The following USP10 variants were observed in gnomAD, a reference collection of about 807,000 sequenced individuals.
USP10 encodes the protein ubiquitin carboxyl-terminal hydrolase 10.
USP10 carries 22 observed loss-of-function variants against 84.5 expected under a neutral mutation model. That is an observed-to-expected ratio of 0.26 (90% CI 0.19 to 0.37). The LOEUF (loss-of-function observed/expected upper bound fraction) is 0.37. Ranked by LOEUF, USP10 falls within the 10% of genes least tolerant of loss-of-function variation. The pLI is 1.00. For missense variants in USP10, 1,019 were observed against 998.9 expected (o/e 1.02, Z -0.27); for synonymous variants, 454 against 387.6 (o/e 1.17, Z -2.01).
At chr16:84,773,279 C>A (rs943749098) in intron 12 of USP10, among the ~76,000 whole-genome samples, 2 of 152,202 alleles carry the variant, frequency 1.3e-5, no homozygotes, top group African/African-American at 4.8e-5. Context: ...TAGTACAACA[C>A]TGAGGCTTGA....
intron 4 of USP10, among the ~76,000 whole-genome samples, chr16:84,749,319 A>G (rs1911625781): frequency 1.3e-5 from 2 of 152,210 alleles, no homozygotes; most frequent in Non-Finnish European, 2.9e-5. Context: ...TAACTGAGTG[A>G]AAGTCTAGTT....
intron 3 of USP10, among the ~76,000 whole-genome samples, chr16:84,742,244 C>T (rs1430875850): frequency 1.3e-5 from 2 of 152,196 alleles, no homozygotes; most frequent in Non-Finnish European, 1.5e-5. Flanking sequence ...AGATACCACT[C>T]CTTCACCCTG....
At chr16:84,735,233 G>C (rs1044842152) in intron 2 of USP10, among the ~76,000 whole-genome samples, 17 of 122,176 alleles carry the variant, frequency 1.4e-4, no homozygotes, top group African/African-American at 5.1e-4. Flanking sequence ...GTGTGTGTGT[G>C]TGTGGTGTGT....
chr16:84,754,637 A>G (rs1325231515), intron 4 of USP10, among the ~76,000 whole-genome samples: 3 of 152,204 alleles, frequency 2.0e-5, no homozygotes, highest in Non-Finnish European at 2.9e-5. Context: ...CTGCGCCTCA[A>G]AATAAGCAAA....
chr16:84,719,685 C>A (rs557001318), intron 1 of USP10, among the ~76,000 whole-genome samples: 17 of 152,218 alleles, frequency 1.1e-4, no homozygotes, highest in African/African-American at 4.1e-4. Context: ...GTATGTAGGT[C>A]CCATAAGGGG....
rs1332583107 is a variant in USP10, at chr16:84,768,078, T to C, written c.1833-115T>C. On this transcript the variant is annotated intron_variant, in intron 10 of 13. Transcript: ENST00000219473. ...ATATTTTTGGCTTTTCTCTGTGGTC[T>C]TTTGAAAGTGATATTGAATAATCTT... 2.4e-6 allele frequency: 3 copies of C among 1,233,106 alleles called. No homozygotes were observed. In the East Asian group the frequency reaches 7.7e-5, roughly 32 times the overall value. The allele number at this position is 1,233,106 out of a possible 1,614,324, so 76.4% of individuals were successfully genotyped here.
At chr16:84,763,198 A>G (rs1348987340) in intron 9 of USP10, 110 bp downstream of exon 9, 1 of 584,416 alleles carries the variant, frequency 1.7e-6, no homozygotes, top group East Asian at 2.7e-5. Context: ...TTCCTTTCAA[A>G]TAGCATTTAT....
intron 1 of USP10, chr16:84,732,906 G>A (rs1367150472): frequency 2.8e-6 from 1 of 356,772 alleles, no homozygotes; most frequent in African/African-American, 2.1e-5. Flanking sequence ...CTGATAATAT[G>A]TGTATCTGTG....
intron 1 of USP10, among the ~76,000 whole-genome samples, chr16:84,729,982 G>A (rs1025252661): frequency 7.2e-5 from 11 of 152,134 alleles, no homozygotes; most frequent in African/African-American, 2.7e-4. Context: ...TTATGTCTGT[G>A]CAAAATGGGT....
rs1267992521 is a variant in USP10 at position 84,778,909 on chromosome 16, G to A, written c.2224G>A (p.Gly742Ser). 1.5e-5 allele frequency: 24 copies of A among 1,613,352 alleles called. No individual in the cohort carries two copies. Among genetic ancestry groups the A allele is most frequent in the Non-Finnish European group, 1.9e-5 (23 of 1,179,666 alleles). Reference sequence around the variant, plus strand: ...CTCTCTTCCAGTGGTCTACCATCACGGCAACAGTGCGACGGGCGGCCATTA... The same window carrying A: ...CTCTCTTCCAGTGGTCTACCATCACAGCAACAGTGCGACGGGCGGCCATTA... Reference protein sequence around the residue: ...YRLFAVVYHHGNSATGGHYTT... With the variant: ...YRLFAVVYHHSNSATGGHYTT... The change falls in exon 14 of 14, where the codon GGC becomes AGC. Residue 742 changes from glycine to serine, a missense_variant. Coordinates refer to ENST00000219473, the MANE Select transcript of USP10 (RefSeq NM_005153.3).
intron 3 of USP10, 28 bp from the exon 4 acceptor site, chr16:84,744,605 C>T: frequency 1.3e-6 from 2 of 1,558,334 alleles, no homozygotes; most frequent in African/African-American, 1.4e-5. Context: ...GAACTGGGTT[C>T]TTAACTAATA....
At chr16:84,738,430 GTCT>G (rs1910208279) in intron 2 of USP10, among the ~76,000 whole-genome samples, 1 of 152,178 alleles carries the variant, frequency 6.6e-6, no homozygotes, top group Non-Finnish European at 1.5e-5. Context: ...TTTCTAAACT[GTCT>G]TCTTTGACCA....
At chr16:84,700,473 G>A (rs1399926135) in intron 1 of USP10, among the ~76,000 whole-genome samples, 2 of 152,054 alleles carry the variant, frequency 1.3e-5, no homozygotes, top group South Asian at 2.1e-4. Context: ...AGGCGGCCCG[G>A]GGGCTCCGGG....
rs1451667206 is a variant in USP10 at position 84,745,542 on chromosome 16, C to T, written c.1061C>T (p.Ser354Phe). 2 of 1,612,730 alleles carry T rather than the reference C, an allele frequency of 1.2e-6. No individual in the cohort carries two copies. Among genetic ancestry groups the T allele is most frequent in the African/African-American group, 2.7e-5 (2 of 74,894 alleles). Residue 354 changes from serine (S) to phenylalanine (F), a missense_variant, in exon 4 of 14, where the codon TCC becomes TTC. By Grantham distance (155) the Ser-to-Phe change is radical. Around this residue, in one of 2 missense-constraint regions of USP10, gnomAD observed 787 missense variants for 708.8 expected, o/e 1.11. Transcript: ENST00000219473. ...TTTCATGATTCTAAGCCCTCTTCCT[C>T]CTCGCCGGTGGCCTATGTGGAAACT... The part of the protein sequence containing the change: ...SLFHDSKPSS[S>F]SPVAYVETKY...
chr16:84,756,319 A>AC (rs1397556412), intron 4 of USP10, among the ~76,000 whole-genome samples: 4 of 152,236 alleles, frequency 2.6e-5, no homozygotes, highest in African/African-American at 9.6e-5. Flanking sequence ...TCAGCCACAC[A>AC]CCATGGCTCA....
chr16:84,724,872 G>T (rs1908255762), intron 1 of USP10, among the ~76,000 whole-genome samples: 1 of 152,160 alleles, frequency 6.6e-6, no homozygotes, highest in Admixed American at 6.5e-5. Context: ...GATGTCCTCA[G>T]AACCACCCAC....
At position 84,700,097 on chromosome 16, in the gene USP10, C is replaced by T. The variant is rs1384001976; in HGVS notation, c.7C>T (p.Leu3Phe). Residue 3 changes from leucine (L) to phenylalanine (F), a missense_variant, in exon 1 of 14, where the codon CTC (leucine) becomes TTC (phenylalanine). Leu to Phe is a conservative substitution (Grantham distance 22). Coordinates refer to ENST00000219473, the MANE Select transcript of USP10 (RefSeq NM_005153.3). ...CCCAATGAAACGGGCAGCCATGGCCCTCCACAGCCCGCAGGTAGCCGCCGG... is the reference window on the plus strand; with the variant it reads ...CCCAATGAAACGGGCAGCCATGGCCTTCCACAGCCCGCAGGTAGCCGCCGG... MA[L>F]HSPQYIFGDF... 9.6e-6 allele frequency: 13 copies of T among 1,359,164 alleles called. No homozygotes were observed. The East Asian group carries it at 1.2e-4, about 12-fold the overall frequency. 84.2% of individuals were successfully genotyped at this position (1,359,164 alleles called of 1,614,324 possible). A position where few individuals can be genotyped will look rare whatever the true frequency, so the allele number is the denominator to read the frequency against.
chr16:84,741,002 C>G (rs1305292175), intron 3 of USP10, among the ~76,000 whole-genome samples: 1 of 152,234 alleles, frequency 6.6e-6, no homozygotes, highest in Non-Finnish European at 1.5e-5. Context: ...TGCCCTTGCA[C>G]AATTCAAACT....
chr16:84,728,884 C>T (rs765276523), intron 1 of USP10, among the ~76,000 whole-genome samples: 14 of 152,006 alleles, frequency 9.2e-5, no homozygotes, highest in South Asian at 2.1e-4. Flanking sequence ...CTGCAGCCTC[C>T]GCCTTCCAGG....
Sources: gnomAD v4.1 joint callset for allele counts (sites outside exome capture counted in the v4.1 genomes callset) on GRCh38, gnomAD v4.1.1 for gene constraint, gnomAD v4.1.1 regional missense constraint, MANE v1.5 for transcripts, NCBI Gene and HGNC (gene_info 2026-07-23, HGNC 2026-07-21) for gene names.